The following ATAD3B variants were observed in gnomAD, a reference collection of about 807,000 sequenced individuals.
The protein encoded by ATAD3B is ATPase family AAA domain containing 3B.
A neutral mutation model predicts 70.2 loss-of-function variants in ATAD3B; 59 were observed. That is an observed-to-expected ratio of 0.84 (90% CI 0.68 to 1.04). The LOEUF is 1.04. Among genes scored for constraint, ATAD3B ranks in the 50% least tolerant of loss-of-function variants. The probability of loss-of-function intolerance (pLI) is 0.00; values close to 1 mark genes in which losing one functional copy is unlikely to be tolerated. For missense variants in ATAD3B, 961 were observed against 913.4 expected, an observed-to-expected ratio of 1.05 and a Z score of -0.67; for synonymous variants, 423 against 388.6, an observed-to-expected ratio of 1.09 and a Z score of -1.04.
chr1:1,498,112 G>A (rs1220858760), downstream of ATAD3B, among the ~76,000 whole-genome samples: 3 of 151,612 alleles, frequency 2.0e-5, no homozygotes, highest in Admixed American at 6.6e-5. Flanking sequence ...AGACCAGCCC[G>A]GCCAATGTGG....
chr1:1,472,786 A>G (rs150678414), intron 1 of ATAD3B, among the ~76,000 whole-genome samples: 1 of 152,158 alleles, frequency 6.6e-6, no homozygotes, highest in East Asian at 1.9e-4. Context: ...TGCTGAATTC[A>G]TTGAAAGAAT....
At chr1:1,491,294 G>C (rs1363788286) in intron 15 of ATAD3B, among the ~76,000 whole-genome samples, 1 of 152,002 alleles carries the variant, frequency 6.6e-6, no homozygotes, top group African/African-American at 2.4e-5. Context: ...CCAGCACTTT[G>C]GGAGGCTGAG....
intron 13 of ATAD3B, chr1:1,490,027 A>G (rs2649578): frequency 0.15 from 202,306 of 1,379,574 alleles, 36,167 homozygotes; most frequent in African/African-American, 0.7. Flanking sequence ...AGTACCACAC[A>G]GGGCAAGAAC....
At chr1:1,488,857 A>G (rs1640377094) in intron 12 of ATAD3B, among the ~76,000 whole-genome samples, 1 of 150,950 alleles carries the variant, frequency 6.6e-6, no homozygotes, top group Non-Finnish European at 1.5e-5. Context: ...TGTATTTTTT[A>G]TTTTTTAGCA....
chr1:1,498,442 C>CA (rs1235395222), downstream of ATAD3B, among the ~76,000 whole-genome samples: 3 of 151,548 alleles, frequency 2.0e-5, no homozygotes, highest in Non-Finnish European at 4.4e-5. Flanking sequence ...GCCTGGGTGA[C>CA]AGAGTGAGAC....
At chr1:1,494,442 G>C (rs1640678658) in intron 15 of ATAD3B, among the ~76,000 whole-genome samples, 1 of 150,212 alleles carries the variant, frequency 6.7e-6, no homozygotes, top group Non-Finnish European at 1.5e-5. Context: ...TGCGGCTCCG[G>C]TCAGTGTCTC....
chr1:1,486,210 GCACCGGGAAGACGCTGTTTGC>G lies in ATAD3B; in HGVS notation c.1067_1087del (p.Thr356_Ala362del), dbSNP rs1310001700. On this transcript the variant is annotated inframe_deletion, in exon 10 of 16. Coordinates refer to ENST00000673477, the MANE Select transcript of ATAD3B (RefSeq NM_031921.6). ...CACATCCTGCTGTATGGGCCACCAGGCACCGGGAAGACGCTGTTTGCCAAGGTGAGAGCGCCTGGCTGAACA... is the reference window on the plus strand; with the variant it reads ...CACATCCTGCTGTATGGGCCACCAGGCAAGGTGAGAGCGCCTGGCTGAACA... 6.2e-7 allele frequency: 1 copy of G among 1,613,074 alleles called. No individual in the cohort carries two copies. The highest frequency in any genetic ancestry group is 8.5e-7 in the Non-Finnish European group (1 of 1,179,652).
chr1:1,498,299 G>A (rs1248978187), downstream of ATAD3B, among the ~76,000 whole-genome samples: 20 of 151,326 alleles, frequency 1.3e-4, no homozygotes, highest in Non-Finnish European at 2.5e-4. Context: ...GTGAAACTCC[G>A]TCTCAAATAT....
the ATAD3B span, chr1:1,503,448 G>T: frequency 1.4e-6 from 1 of 724,100 alleles, no homozygotes; most frequent in Non-Finnish European, 2.4e-6. Flanking sequence ...CTAGGAAGGA[G>T]GATGGGGAGG....
chr1:1,494,542 C>T (rs1165746331), intron 15 of ATAD3B, among the ~76,000 whole-genome samples: 7 of 151,874 alleles, frequency 4.6e-5, no homozygotes, highest in African/African-American at 7.2e-5. Context: ...AGTGGCGGTC[C>T]GGCTCCGGTC....
Position 1,479,056 on chromosome 1 carries a change from A to C in ATAD3B, c.392A>C (p.Gln131Pro). 2 of 1,265,432 alleles carry C rather than the reference A, an allele frequency of 1.6e-6. No individual in the cohort carries two copies. Among genetic ancestry groups the C allele is most frequent in the Non-Finnish European group, 2.2e-6 (2 of 923,580 alleles). 78.4% of individuals were successfully genotyped at this position (1,265,432 alleles called of 1,614,324 possible). ...EETRQHQARA[Q>P]YQDKLARQRY... Reference sequence around the variant, plus strand: ...CGCCCTCTTCTCCCCCAGAGGGCCCAGTATCAAGACAAGCTGGCCCGGCAG... The same window carrying C: ...CGCCCTCTTCTCCCCCAGAGGGCCCCGTATCAAGACAAGCTGGCCCGGCAG... The change falls in exon 4 of 16, where the codon CAG becomes CCG. Residue 131 changes from glutamine (Q) to proline (P), a missense_variant. Physicochemically the swap from Gln to Pro is moderately conservative, Grantham distance 76 (BLOSUM62 -1). Coordinates refer to ENST00000673477, the MANE Select transcript of ATAD3B (RefSeq NM_031921.6).
chr1:1,486,069 G>A (rs1406742737), intron 9 of ATAD3B, 41 bp from the exon 10 acceptor site: 13 of 1,612,246 alleles, frequency 8.1e-6, no homozygotes, highest in Non-Finnish European at 1.1e-5. Context: ...GGCTTCCGTG[G>A]GTGCAGAGTG....
chr1:1,477,438 C>T, intron 2 of ATAD3B, 88 bp downstream of exon 2: 2 of 1,589,834 alleles, frequency 1.3e-6, no homozygotes, highest in South Asian at 1.1e-5. Flanking sequence ...GTGGGTAGGG[C>T]CAGGGGCGTG....
In ATAD3B at chr1:1,477,421, G is replaced by C. The variant is rs911082567; in HGVS notation, c.282+71G>C. ...TTCAGGCGTGGAGATTGGTGGGGCT[G>C]CTACTGGTGGGTAGGGCCAGGGGCG... On this transcript the variant is annotated intron_variant, in intron 2 of 15. Transcript: ENST00000673477. The C allele has an allele frequency of 1.9e-6, 3 of 1,604,604 alleles. No individual in the cohort carries two copies. The African/African-American group carries it at 4.0e-5, about 21-fold the overall frequency.
chr1:1,504,959 G>T, the ATAD3B span, among the ~76,000 whole-genome samples: 1 of 152,042 alleles, frequency 6.6e-6, no homozygotes, highest in African/African-American at 2.4e-5. Flanking sequence ...TGCGCGCCAG[G>T]CACAGTTGTA....
chr1:1,507,761 T>C, the ATAD3B span, among the ~76,000 whole-genome samples: 2 of 152,254 alleles, frequency 1.3e-5, no homozygotes, highest in Non-Finnish European at 2.9e-5. Context: ...GCTCTGATTC[T>C]TAATGTTTTG....
At chr1:1,472,137 C>A in intron 1 of ATAD3B, 48 bp downstream of exon 1, 1 of 1,233,530 alleles carries the variant, frequency 8.1e-7, no homozygotes, top group Non-Finnish European at 1.0e-6. Flanking sequence ...CGGGACGGGC[C>A]GGGGAAGCGG....
the ATAD3B span, among the ~76,000 whole-genome samples, chr1:1,504,594 G>A: frequency 2.0e-5 from 3 of 151,916 alleles, no homozygotes; most frequent in East Asian, 1.9e-4. Flanking sequence ...AGGTTGCGGT[G>A]AGCCGAGACC....
chr1:1,473,621 A>G (rs1174785318), intron 1 of ATAD3B, among the ~76,000 whole-genome samples: 20 of 145,606 alleles, frequency 1.4e-4, no homozygotes, highest in African/African-American at 4.8e-4. Context: ...TCAGCCTCCC[A>G]AGTAGCTGGG....
Sources: gnomAD v4.1 joint callset for allele counts (sites outside exome capture counted in the v4.1 genomes callset) on GRCh38, gnomAD v4.1.1 for gene constraint, MANE v1.5 for transcripts, NCBI Gene and HGNC (gene_info 2026-07-23, HGNC 2026-07-21) for gene names.